MTDH: variants seen among roughly 807,000 people sequenced by gnomAD.
MTDH encodes the protein metadherin.
A neutral mutation model predicts 72.7 loss-of-function variants in MTDH; 34 were observed. That is an observed-to-expected ratio of 0.47 (90% CI 0.36 to 0.62). MTDH has a LOEUF of 0.62. MTDH is among the 20% of genes least tolerant of loss of function. MTDH has a pLI of 0.00. For synonymous variants in MTDH, 266 were observed against 268.9 expected (o/e 0.99, Z 0.10); for missense variants, 677 against 699.4 (o/e 0.97, Z 0.36).
At chr8:97,671,625 G>T (rs1189530746) in intron 2 of MTDH, among the ~76,000 whole-genome samples, 5 of 151,994 alleles carry the variant, frequency 3.3e-5, no homozygotes, top group Non-Finnish European at 7.4e-5. Context: ...ACTTTAGGAG[G>T]CCAAGGTGGG....
chr8:97,711,142 A>C (rs544669358), intron 8 of MTDH, among the ~76,000 whole-genome samples: 1 of 152,260 alleles, frequency 6.6e-6, no homozygotes, highest in African/African-American at 2.4e-5. Flanking sequence ...TGACCTCTCA[A>C]ATTCAGTTTT....
chr8:97,711,784 T>G (rs1480951386), intron 8 of MTDH, among the ~76,000 whole-genome samples: 1 of 152,198 alleles, frequency 6.6e-6, no homozygotes, highest in Non-Finnish European at 1.5e-5. Flanking sequence ...ATCATAAAAG[T>G]TATAAAATTT....
intron 8 of MTDH, among the ~76,000 whole-genome samples, chr8:97,711,486 AAAAC>A (rs761022840): frequency 2.0e-5 from 3 of 151,174 alleles, no homozygotes; most frequent in Non-Finnish European, 4.4e-5. Context: ...TGTCTTGAAA[AAAAC>A]AAAACAAACA....
At chr8:97,679,141 C>T (rs953436824) in intron 2 of MTDH, among the ~76,000 whole-genome samples, 6 of 152,138 alleles carry the variant, frequency 3.9e-5, no homozygotes, top group African/African-American at 1.4e-4. Context: ...TTAGTAATCA[C>T]TTGTGCCTCC....
intron 2 of MTDH, among the ~76,000 whole-genome samples, chr8:97,663,136 T>C (rs1239007192): frequency 1.3e-5 from 2 of 152,136 alleles, no homozygotes; most frequent in Admixed American, 1.3e-4. Flanking sequence ...TATTAGTGAG[T>C]AATGTATACT....
chr8:97,644,420 GC>G lies in MTDH; in HGVS notation c.-84del. The G allele has an allele frequency of 6.8e-7, 1 of 1,479,114 alleles. No individual in the cohort carries two copies. The highest frequency in any genetic ancestry group is 8.9e-7 in the Non-Finnish European group (1 of 1,119,516). The allele number at this position is 1,479,114 out of a possible 1,614,324, so 91.6% of individuals were successfully genotyped here. A position where few individuals can be genotyped will look rare whatever the true frequency, so the allele number is the denominator to read the frequency against. On this transcript the variant is annotated 5_prime_UTR_variant, in exon 1 of 12. Coordinates refer to ENST00000336273, the MANE Select transcript of MTDH (RefSeq NM_178812.4). ...GATGCGCTCGGCCTGAGGTTACCCG[GC>G]CCGGCCCTTCCTCGCTTCCCTCGAC... is the stretch of plus-strand genomic sequence containing the variant.
At chr8:97,688,975 C>T (rs886865735) in intron 4 of MTDH, 63 bp from the exon 5 acceptor site, 2 of 741,102 alleles carry the variant, frequency 2.7e-6, no homozygotes, top group Non-Finnish European at 2.1e-6. Flanking sequence ...ATGTGTTACT[C>T]CTAATTTAAT....
rs2130933011 is a variant in MTDH, at chr8:97,661,140, G to A, written c.450G>A (p.Lys150=). 8 of 1,612,470 alleles carry A rather than the reference G, an allele frequency of 5.0e-6. No individual in the cohort carries two copies. The highest frequency in any genetic ancestry group is 5.9e-6 in the Non-Finnish European group (7 of 1,179,190). The change falls in exon 2 of 12, where the codon AAG becomes AAA. Residue 150 remains lysine, a synonymous_variant. Transcript: ENST00000336273. ...AVRTPQSVTA[K]QPPEIDKKNE... The stretch of plus-strand genomic sequence containing the variant: ...GAACACCTCAAAGTGTAACAGCAAA[G>A]CAGCCACCAGAGATTGACAAGAAAA...
At chr8:97,712,164 A>G (rs904108211) in intron 8 of MTDH, among the ~76,000 whole-genome samples, 1 of 152,116 alleles carries the variant, frequency 6.6e-6, no homozygotes, top group Non-Finnish European at 1.5e-5. Flanking sequence ...CAGCCTCCTG[A>G]GTAGCTGGGA....
At chr8:97,658,364 C>T (rs542034036) in intron 1 of MTDH, among the ~76,000 whole-genome samples, 4 of 152,168 alleles carry the variant, frequency 2.6e-5, no homozygotes, top group Non-Finnish European at 5.9e-5. Flanking sequence ...ACTGAATGTT[C>T]CTGAATCTGT....
chr8:97,693,905 C>T (rs1813719927), intron 6 of MTDH, among the ~76,000 whole-genome samples: 1 of 151,180 alleles, frequency 6.6e-6, no homozygotes, highest in Non-Finnish European at 1.5e-5. Flanking sequence ...TTTGTAGAGA[C>T]AGTTTCGCCA....
intron 1 of MTDH, among the ~76,000 whole-genome samples, chr8:97,659,917 G>C (rs1159143942): frequency 6.6e-6 from 1 of 152,210 alleles, no homozygotes; most frequent in African/African-American, 2.4e-5. Flanking sequence ...CCAGCACTTT[G>C]GGAGGCCAAG....
At chr8:97,645,691 T>C (rs966826298) in intron 1 of MTDH, among the ~76,000 whole-genome samples, 5 of 152,232 alleles carry the variant, frequency 3.3e-5, no homozygotes, top group African/African-American at 1.2e-4. Context: ...CGTGTGGAAG[T>C]TGCAGAGGGC....
At chr8:97,691,297 C>A in intron 6 of MTDH, 109 bp downstream of exon 6, 1 of 739,286 alleles carries the variant, frequency 1.4e-6, no homozygotes. Context: ...AAGTACTGCT[C>A]TGCAGAAATA....
intron 2 of MTDH, among the ~76,000 whole-genome samples, chr8:97,666,742 G>T (rs186540268): frequency 6.6e-6 from 1 of 152,252 alleles, no homozygotes; most frequent in African/African-American, 2.4e-5. Flanking sequence ...CTGTCGCCCA[G>T]GGTGGAGTGC....
chr8:97,712,939 T>C (rs925500227), intron 8 of MTDH, among the ~76,000 whole-genome samples: 1 of 152,226 alleles, frequency 6.6e-6, no homozygotes, highest in African/African-American at 2.4e-5. Flanking sequence ...TGGAACCATA[T>C]GGCTTGCAAA....
Position 97,652,625 on chromosome 8 carries a change from A to G in MTDH, c.381+7738A>G, listed in dbSNP as rs146537042. On this transcript the variant is annotated intron_variant, in intron 1 of 11. Coordinates refer to ENST00000336273, the MANE Select transcript of MTDH (RefSeq NM_178812.4). ...CCTTTGGTAATTATTTGTTGAACTA[A>G]AAGCTGAACAAAGTGACTAAAATAA... Among the ~76,000 whole-genome samples, 389 of 152,334 alleles carry G rather than the reference A, an allele frequency of 2.6e-3. 3 individuals are homozygous for G. The highest frequency in any genetic ancestry group is 9.0e-3 in the African/African-American group (374 of 41,570).
intron 10 of MTDH, among the ~76,000 whole-genome samples, chr8:97,720,668 CAA>C (rs1328315057): frequency 8.3e-6 from 1 of 120,598 alleles, no homozygotes; most frequent in Non-Finnish European, 1.7e-5. Context: ...TTTTTTGAGA[CAA>C]GAGTCTTGCT....
chr8:97,705,885 G>A (rs1301835802), intron 7 of MTDH, among the ~76,000 whole-genome samples: 1 of 152,180 alleles, frequency 6.6e-6, no homozygotes, highest in Non-Finnish European at 1.5e-5. Context: ...TCTCCTTTTA[G>A]AATAAGTCAT....
Sources: gnomAD v4.1 joint callset for allele counts (sites outside exome capture counted in the v4.1 genomes callset) on GRCh38, gnomAD v4.1.1 for gene constraint, MANE v1.5 for transcripts, NCBI Gene and HGNC (gene_info 2026-07-23, HGNC 2026-07-21) for gene names.